The following PKHD1 variants were observed in gnomAD, a reference collection of about 807,000 sequenced individuals.
PKHD1 encodes the protein fibrocystin.
Under a neutral mutation model 412.0 loss-of-function variants are expected in PKHD1, and 291 were observed. That is an observed-to-expected ratio of 0.71 (90% CI 0.64 to 0.78). The LOEUF (loss-of-function observed/expected upper bound fraction) is 0.78, where lower values mean the gene tolerates loss of function less well. PKHD1 is among the 30% of genes least tolerant of loss of function. The pLI is 0.00. For missense variants in PKHD1, 4,825 were observed against 4,950.7 expected, an observed-to-expected ratio of 0.97 and a Z score of 0.76; for synonymous variants, 1,777 against 1,821.5, an observed-to-expected ratio of 0.98 and a Z score of 0.62.
At chr6:51,973,566 G>A (rs1462831866) in intron 35 of PKHD1, among the ~76,000 whole-genome samples, 1 of 152,056 alleles carries the variant, frequency 6.6e-6, no homozygotes, top group African/African-American at 2.4e-5. Context: ...AATCCCCAAA[G>A]ACCCTCATGA....
intron 27 of PKHD1, among the ~76,000 whole-genome samples, chr6:52,036,045 T>G (rs1396270719): frequency 6.6e-6 from 1 of 152,188 alleles, no homozygotes; most frequent in Non-Finnish European, 1.5e-5. Context: ...ATATCATTCC[T>G]GCAATCCTAT....
chr6:51,696,790 T>C (rs941111993), intron 60 of PKHD1, among the ~76,000 whole-genome samples: 2 of 152,096 alleles, frequency 1.3e-5, no homozygotes, highest in African/African-American at 4.8e-5. Flanking sequence ...GTGTCATTGA[T>C]AGTGGGAGAT....
In PKHD1 at chr6:52,062,386, A is replaced by G. The variant is rs1225523673; in HGVS notation, c.1118+133T>C. The G allele has an allele frequency of 6.3e-6, 6 of 953,176 alleles. No homozygotes were observed. In the Admixed American group the frequency reaches 1.1e-4, roughly 17 times the overall value. The allele number at this position is 953,176 out of a possible 1,614,324, so 59.0% of individuals were successfully genotyped here. A position where few individuals can be genotyped will look rare whatever the true frequency, so the allele number is the denominator to read the frequency against. On this transcript the variant is annotated intron_variant, in intron 14 of 66. Transcript: ENST00000371117. ...CCAACACTGATTGAGAATACTGTCAAACTCTGTTGTTGTTGAATTGGCTAG... is the reference window on the plus strand; with the variant it reads ...CCAACACTGATTGAGAATACTGTCAGACTCTGTTGTTGTTGAATTGGCTAG...
chr6:51,906,095 T>C (rs1204696859), intron 41 of PKHD1, 120 bp downstream of exon 41: 7 of 833,292 alleles, frequency 8.4e-6, no homozygotes, highest in Non-Finnish European at 1.4e-5. Context: ...GTAGCCCATT[T>C]CTAGTGATCA....
chr6:51,700,515 A>C (rs901410299), intron 60 of PKHD1, among the ~76,000 whole-genome samples: 3 of 151,970 alleles, frequency 2.0e-5, no homozygotes, highest in Non-Finnish European at 2.9e-5. Flanking sequence ...TCACTGCCTC[A>C]AGATCATACC....
At chr6:52,044,843 T>C in intron 25 of PKHD1, 123 bp downstream of exon 25, 1 of 1,041,666 alleles carries the variant, frequency 9.6e-7, no homozygotes, top group Non-Finnish European at 1.5e-6. Flanking sequence ...TAAGTACCCC[T>C]GTTTTACACA....
At chr6:51,784,595 C>T (rs189706884) in intron 53 of PKHD1, among the ~76,000 whole-genome samples, 95 of 152,268 alleles carry the variant, frequency 6.2e-4, no homozygotes, top group African/African-American at 2.2e-3. Context: ...TAAAGCCATA[C>T]TCAAGAGACT....
intron 52 of PKHD1, among the ~76,000 whole-genome samples, chr6:51,803,139 A>G (rs756339296): frequency 3.3e-5 from 5 of 151,482 alleles, no homozygotes; most frequent in Non-Finnish European, 4.4e-5. Context: ...CTCCTAAATT[A>G]ATAAAGTGCT....
At chr6:51,629,086 T>C (rs1048331816) in intron 65 of PKHD1, among the ~76,000 whole-genome samples, 17 of 151,902 alleles carry the variant, frequency 1.1e-4, no homozygotes, top group African/African-American at 3.9e-4. Flanking sequence ...AAGATTTAAA[T>C]GTAAGACCCA....
intron 56 of PKHD1, 146 bp from the exon 57 acceptor site, chr6:51,753,499 T>G (rs1446277120): frequency 1.3e-5 from 9 of 717,888 alleles, no homozygotes; most frequent in African/African-American, 1.8e-5. Context: ...TCCTGGGGCA[T>G]TCTCCACAAA....
intron 65 of PKHD1, among the ~76,000 whole-genome samples, chr6:51,630,735 A>G (rs1040727332): frequency 3.9e-5 from 6 of 152,178 alleles, no homozygotes; most frequent in African/African-American, 1.4e-4. Context: ...AAGAAATGAA[A>G]GTTAATTTTA....
intron 43 of PKHD1, among the ~76,000 whole-genome samples, chr6:51,888,201 A>G (rs145312325): frequency 8.5e-5 from 13 of 152,346 alleles, no homozygotes; most frequent in Admixed American, 1.3e-4. Flanking sequence ...TCCTGAATAG[A>G]CTATTAAGTC....
intron 37 of PKHD1, among the ~76,000 whole-genome samples, chr6:51,922,303 ATCCT>A (rs1278204111): frequency 1.3e-5 from 2 of 152,156 alleles, no homozygotes; most frequent in Admixed American, 1.3e-4. Flanking sequence ...TTGCTGCCTG[ATCCT>A]TCTTCTGGAA....
At chr6:51,998,451 C>T (rs1436394640) in intron 35 of PKHD1, among the ~76,000 whole-genome samples, 1 of 152,184 alleles carries the variant, frequency 6.6e-6, no homozygotes, top group Non-Finnish European at 1.5e-5. Context: ...AAAAAATCAA[C>T]TAAGTATCCA....
chr6:51,925,438 CGTGTGTGTGTGTGTGTATGT>C (rs1442096612), intron 37 of PKHD1, among the ~76,000 whole-genome samples: 4 of 147,372 alleles, frequency 2.7e-5, no homozygotes, highest in Non-Finnish European at 4.5e-5. Flanking sequence ...AATTGTTCTT[CGTGTGTGTGTGTGTGTATGT>C]GTGTGTGTGT....
In PKHD1 at chr6:52,083,233, A is replaced by G. The variant is rs138600204; in HGVS notation, c.75T>C (p.Ile25=). ...CTGCAAGGCTACCTTCTTCAGGTTC[A>G]ATATGTAAACTCAGGTGACGTACTG... ...LLAVRHLSLH[I]EPEEGSLAGG... is the part of the protein sequence containing the mutation. Residue 25 remains isoleucine, a synonymous_variant, in exon 3 of 67, where the codon ATT becomes ATC. Transcript: ENST00000371117. 3.7e-6 allele frequency: 6 copies of G among 1,610,738 alleles called. No individual in the cohort carries two copies. In the African/African-American group the frequency reaches 6.7e-5, roughly 18 times the overall value.
rs1292890415 is a variant in PKHD1, at chr6:51,753,291, T to C, written c.8860A>G (p.Thr2954Ala). The change falls in exon 57 of 67, where the codon ACC becomes GCC. Residue 2954 changes from threonine (T) to alanine (A), a missense_variant. By Grantham distance (58) the Thr-to-Ala change is moderately conservative (BLOSUM62 0). Transcript: ENST00000371117. ...TCAGGCTGAATTTGTATATTTCGGGTCAACAGTCCAACCTCAGCAGCCAAA... is the reference window on the plus strand; with the variant it reads ...TCAGGCTGAATTTGTATATTTCGGGCCAACAGTCCAACCTCAGCAGCCAAA... The part of the protein sequence containing the change: ...IRLAAEVGLL[T>A]RNIQIQPDVS... 2.5e-6 allele frequency: 4 copies of C among 1,613,652 alleles called. No homozygotes were observed. The Admixed American group carries it at 6.7e-5, about 27-fold the overall frequency.
chr6:51,770,812 T>C (rs898806267), intron 55 of PKHD1, among the ~76,000 whole-genome samples: 7 of 152,216 alleles, frequency 4.6e-5, no homozygotes, highest in African/African-American at 1.7e-4. Flanking sequence ...GATTCATTTA[T>C]GTGTCATATT....
rs372394177 is a variant in PKHD1, at chr6:51,659,875, G to A, written c.10251C>T (p.Ser3417=). Residue 3417 remains serine (S), a synonymous_variant, in exon 61 of 67, where the codon AGC becomes AGT. Transcript: ENST00000371117. Reference sequence around the variant, plus strand: ...TCTGAATTGCCCAAATGGCATCAGCGCTATCAAGAATTAGGACCACTTGGT... The same window carrying A: ...TCTGAATTGCCCAAATGGCATCAGCACTATCAAGAATTAGGACCACTTGGT... ...QTDQVVLILD[S]ADAIWAIQKL... is the part of the protein sequence containing the mutation. 105 of 1,613,090 alleles carry A rather than the reference G, an allele frequency of 6.5e-5. No individual in the cohort carries two copies. The highest frequency in any genetic ancestry group is 1.5e-4 in the South Asian group (14 of 91,060).
Sources: allele counts gnomAD v4.1 joint callset (sites outside exome capture counted in the v4.1 genomes callset), GRCh38; gene constraint gnomAD v4.1.1; transcripts MANE v1.5; gene names NCBI Gene and HGNC (gene_info 2026-07-23, HGNC 2026-07-21).